GALNT16: variants seen among roughly 807,000 people sequenced by gnomAD.
GALNT16 encodes the protein polypeptide N-acetylgalactosaminyltransferase 16.
Under a neutral mutation model 76.1 loss-of-function variants are expected in GALNT16, and 40 were observed. The observed-to-expected ratio is 0.53, with a 90% CI of 0.41 to 0.68. The LOEUF (loss-of-function observed/expected upper bound fraction) is 0.68. GALNT16 is among the 30% of genes least tolerant of loss of function. The pLI is 0.00. For synonymous variants in GALNT16, 276 were observed against 285.2 expected, an observed-to-expected ratio of 0.97 and a Z score of 0.32; for missense variants, 621 against 731.9, an observed-to-expected ratio of 0.85 and a Z score of 1.75.
chr14:69,264,988 A>G (rs2140097220), intron 1 of GALNT16, among the ~76,000 whole-genome samples: 1 of 151,512 alleles, frequency 6.6e-6, no homozygotes, highest in Middle Eastern at 3.4e-3. Context: ...TGATTTTTAT[A>G]TATTTTTGTA....
chr14:69,322,925 GGT>G (rs766188989), intron 2 of GALNT16, among the ~76,000 whole-genome samples: 3,975 of 103,764 alleles, frequency 0.038, 125 homozygotes, highest in Non-Finnish European at 0.053. Context: ...TGGCTCACGG[GGT>G]GTGTGTGTGT....
At chr14:69,325,919 T>C (rs746741279) in intron 4 of GALNT16, 43 bp from the exon 5 acceptor site, 7 of 1,509,828 alleles carry the variant, frequency 4.6e-6, no homozygotes, top group Non-Finnish European at 6.5e-6. Flanking sequence ...AGTGGCCTGA[T>C]GCCCATGTCT....
At chr14:69,348,146 A>G (rs889738358) in intron 14 of GALNT16, 144 bp downstream of exon 14, 5 of 745,628 alleles carry the variant, frequency 6.7e-6, no homozygotes, top group Non-Finnish European at 6.7e-6. Flanking sequence ...CAAAGTCTAC[A>G]TCTAGGTCAA....
chr14:69,382,443 G>A, the GALNT16 span, among the ~76,000 whole-genome samples: 2 of 152,130 alleles, frequency 1.3e-5, no homozygotes, highest in Non-Finnish European at 2.9e-5. Flanking sequence ...TCATATCTGG[G>A]TGGGACAGGC....
At chr14:69,337,200 G>T (rs1347182206) in intron 9 of GALNT16, among the ~76,000 whole-genome samples, 1 of 152,146 alleles carries the variant, frequency 6.6e-6, no homozygotes, top group Non-Finnish European at 1.5e-5. Flanking sequence ...TGGCTTGCTG[G>T]ACACAATGTG....
intron 1 of GALNT16, among the ~76,000 whole-genome samples, chr14:69,305,412 C>A (rs1243420372): frequency 6.6e-6 from 1 of 152,158 alleles, no homozygotes; most frequent in African/African-American, 2.4e-5. Flanking sequence ...ATCCACCTGC[C>A]TTGGCCTACC....
At chr14:69,365,485 G>A in the GALNT16 span, among the ~76,000 whole-genome samples, 5 of 152,098 alleles carry the variant, frequency 3.3e-5, no homozygotes, top group Admixed American at 6.5e-5. Flanking sequence ...GACATGGATC[G>A]AGCTGGAGGT....
Position 69,260,302 on chromosome 14 carries a change from C to T in GALNT16, c.12C>T (p.Ile4=), listed in dbSNP as rs745594328. The T allele has an allele frequency of 3.1e-6, 5 of 1,612,646 alleles. No homozygotes were observed. Among genetic ancestry groups the T allele is most frequent in the African/African-American group, 1.3e-5 (1 of 74,832 alleles). ...CCCGTCTGCCCACCATGAGGAAGAT[C>T]CGCGCCAATGCCATCGCCATCCTGA... The part of the protein sequence containing the change: MRK[I]RANAIAILTV... The change falls in exon 1 of 15, where the codon ATC becomes ATT. Residue 4 remains isoleucine (I), a synonymous_variant. Coordinates refer to ENST00000448469, the MANE Select transcript of GALNT16 (RefSeq NM_001168368.2).
the GALNT16 span, among the ~76,000 whole-genome samples, chr14:69,379,521 C>G: frequency 1.3e-5 from 2 of 152,144 alleles, no homozygotes; most frequent in African/African-American, 4.8e-5. Flanking sequence ...AACTTTCAAT[C>G]TTATGCTGTG....
At chr14:69,376,753 A>AT in the GALNT16 span, among the ~76,000 whole-genome samples, 1 of 152,160 alleles carries the variant, frequency 6.6e-6, no homozygotes, top group Non-Finnish European at 1.5e-5. Context: ...CTTATGAGAA[A>AT]CATGGCCCTT....
chr14:69,320,731 A>G lies in GALNT16; in HGVS notation c.198A>G (p.Lys66=). The G allele has an allele frequency of 1.2e-6, 2 of 1,613,890 alleles. No homozygotes were observed. Among genetic ancestry groups the G allele is most frequent in the Non-Finnish European group, 1.7e-6 (2 of 1,179,912 alleles). Residue 66 remains lysine, a synonymous_variant, in exon 2 of 15, where the codon AAA becomes AAG. Coordinates refer to ENST00000448469, the MANE Select transcript of GALNT16 (RefSeq NM_001168368.2). ...CTCAGGTGACAGGAACTCCCTCGAAAGGCTTTGATGAGAAGGCCTACCTGT... is the reference window on the plus strand; with the variant it reads ...CTCAGGTGACAGGAACTCCCTCGAAGGGCTTTGATGAGAAGGCCTACCTGT... ...IPLIVTGTPS[K]GFDEKAYLSA... is the part of the protein sequence containing the mutation.
chr14:69,338,891 C>T (rs2045448275), intron 10 of GALNT16, 114 bp downstream of exon 10: 2 of 803,662 alleles, frequency 2.5e-6, no homozygotes, highest in African/African-American at 3.5e-5. Context: ...TCTTGGGCCT[C>T]AGTTTCCCCA....
intron 1 of GALNT16, among the ~76,000 whole-genome samples, chr14:69,269,167 G>A (rs1014721152): frequency 1.3e-5 from 2 of 152,176 alleles, no homozygotes; most frequent in African/African-American, 4.8e-5. Context: ...GATAATGTGT[G>A]TGTATAAAAG....
chr14:69,305,615 T>C lies in GALNT16; in HGVS notation c.178-15096T>C, dbSNP rs536700141. On this transcript the variant is annotated intron_variant, in intron 1 of 14. Transcript: ENST00000448469. Reference sequence around the variant, plus strand: ...CAATTTTTAAATCAGGTTACTAGTTTTTTGTTTTTGTTTTTTTTAACTGTT... The same window carrying C: ...CAATTTTTAAATCAGGTTACTAGTTCTTTGTTTTTGTTTTTTTTAACTGTT... Among the ~76,000 whole-genome samples the C allele has an allele frequency of 5.9e-5, 9 of 152,316 alleles. 1 individual carries two copies. Among genetic ancestry groups the C allele is most frequent in the Admixed American group, 5.9e-4 (9 of 15,286 alleles).
At chr14:69,328,166 G>A (rs763102582) in intron 5 of GALNT16, among the ~76,000 whole-genome samples, 3 of 152,058 alleles carry the variant, frequency 2.0e-5, no homozygotes, top group African/African-American at 7.2e-5. Context: ...CACTTTCCAC[G>A]CTCTAAACTG....
At chr14:69,376,076 A>C in the GALNT16 span, among the ~76,000 whole-genome samples, 3 of 151,452 alleles carry the variant, frequency 2.0e-5, no homozygotes, top group African/African-American at 7.3e-5. Context: ...TCACTCTGCT[A>C]TCCAGGCTGG....
chr14:69,298,532 T>C (rs1192447662), intron 1 of GALNT16: 2 of 152,480 alleles, frequency 1.3e-5, no homozygotes, highest in African/African-American at 4.8e-5. Flanking sequence ...ACTTCCCACG[T>C]CCTCCACCAT....
the GALNT16 span, among the ~76,000 whole-genome samples, chr14:69,369,964 T>C: frequency 2.6e-5 from 4 of 152,190 alleles, no homozygotes; most frequent in African/African-American, 7.2e-5. Context: ...GCTGGGCACA[T>C]TTGGCAGCTT....
intron 12 of GALNT16, among the ~76,000 whole-genome samples, chr14:69,345,952 A>G (rs2140198430): frequency 1.3e-5 from 2 of 152,216 alleles, no homozygotes; most frequent in Admixed American, 1.3e-4. Flanking sequence ...CAGTGGTGGC[A>G]TTATGGCTCA....
Sources: allele counts gnomAD v4.1 joint callset (sites outside exome capture counted in the v4.1 genomes callset), GRCh38; gene constraint gnomAD v4.1.1; transcripts MANE v1.5; gene names NCBI Gene and HGNC (gene_info 2026-07-23, HGNC 2026-07-21).